Variants in ADGRV1 observed in about 807,000 individuals in gnomAD.
ADGRV1 encodes adhesion G protein-coupled receptor V1.
ADGRV1 carries 359 observed loss-of-function variants against 596.2 expected under a neutral mutation model. The observed-to-expected ratio is 0.60, with a 90% CI of 0.55 to 0.66. ADGRV1 has a LOEUF of 0.66. ADGRV1 is among the 30% of genes least tolerant of loss of function. The pLI is 0.00. For synonymous variants in ADGRV1, 2,681 were observed against 2,679.2 expected, an observed-to-expected ratio of 1.00 and a Z score of -0.02; for missense variants, 7,274 against 7,575.6, an observed-to-expected ratio of 0.96 and a Z score of 1.48.
chr5:91,110,796 C>A (rs1441830977), intron 87 of ADGRV1, among the ~76,000 whole-genome samples: 1 of 152,130 alleles, frequency 6.6e-6, no homozygotes, highest in Non-Finnish European at 1.5e-5. Context: ...GGCAAGTGAG[C>A]AGAGCTTTGC....
At chr5:91,062,953 C>CTTTTTTT (rs70973726) in intron 85 of ADGRV1, among the ~76,000 whole-genome samples, 1 of 80,844 alleles carries the variant, frequency 1.2e-5, no homozygotes, top group Non-Finnish European at 2.5e-5. Context: ...GTTTCTCAAA[C>CTTTTTTT]TTTTTTTTTT....
chr5:90,806,145 C>G (rs553361679), intron 72 of ADGRV1, among the ~76,000 whole-genome samples: 2 of 152,072 alleles, frequency 1.3e-5, no homozygotes, highest in Non-Finnish European at 2.9e-5. Context: ...CCCAAGATCT[C>G]GGCATCACTG....
At chr5:90,698,669 A>G (rs1210293173) in intron 34 of ADGRV1, among the ~76,000 whole-genome samples, 1 of 152,184 alleles carries the variant, frequency 6.6e-6, no homozygotes, top group South Asian at 2.1e-4. Context: ...TTGGTTAAAG[A>G]TGATAGCTGA....
intron 83 of ADGRV1, among the ~76,000 whole-genome samples, chr5:90,879,324 A>C (rs1321764783): frequency 6.6e-5 from 10 of 152,226 alleles, no homozygotes; most frequent in Admixed American, 6.5e-4. Flanking sequence ...CACATTTTGG[A>C]AACAAAAGAA....
chr5:90,796,581 T>A (rs1314442229), intron 70 of ADGRV1, among the ~76,000 whole-genome samples: 2 of 152,170 alleles, frequency 1.3e-5, no homozygotes, highest in African/African-American at 2.4e-5. Context: ...TTCCCCAACC[T>A]AGCAAGACTG....
At chr5:90,758,334 AAAAAAAC>A (rs1362645382) in intron 57 of ADGRV1, among the ~76,000 whole-genome samples, 1 of 152,188 alleles carries the variant, frequency 6.6e-6, no homozygotes, top group African/African-American at 2.4e-5. Context: ...CTCCATCTCA[AAAAAAAC>A]AAAAAACAAA....
intron 49 of ADGRV1, 76 bp downstream of exon 49, chr5:90,729,009 A>C (rs1752174542): frequency 2.9e-6 from 3 of 1,039,076 alleles, no homozygotes; most frequent in Admixed American, 2.8e-5. Flanking sequence ...ATTTTATATG[A>C]AAATGCTCTT....
chr5:90,717,591 G>A (rs566032820), intron 43 of ADGRV1: 1 of 152,194 alleles, frequency 6.6e-6, no homozygotes, highest in Non-Finnish European at 1.5e-5. Flanking sequence ...TGCCTTCCGG[G>A]TTCATGCCAT....
At chr5:90,627,161 C>T in intron 6 of ADGRV1, 50 bp from the exon 7 acceptor site, 3 of 973,210 alleles carry the variant, frequency 3.1e-6, no homozygotes, top group Non-Finnish European at 4.4e-6. Context: ...AGTTTATTTG[C>T]AGGTGTTTTG....
At chr5:90,641,419 G>C (rs1766954676) in intron 11 of ADGRV1, among the ~76,000 whole-genome samples, 1 of 152,070 alleles carries the variant, frequency 6.6e-6, no homozygotes, top group Non-Finnish European at 1.5e-5. Context: ...TTTGTTTAAT[G>C]TTCAGAATGG....
chr5:90,705,435 C>A lies in ADGRV1; in HGVS notation c.8422C>A (p.Gln2808Lys). The part of the protein sequence containing the change: ...PPAGIALLDA[Q>K]GYAAVLTVEA... ...AGCCGGAATCGCCCTGCTTGATGCT[C>A]AAGGATATGCAGCTGTCCTCACAGT... Residue 2808 changes from glutamine (Q) to lysine (K), a missense_variant, in exon 37 of 90, where the codon CAA becomes AAA. Gln to Lys is a moderately conservative substitution (Grantham distance 53). Around this residue, in one of 5 missense-constraint regions of ADGRV1, gnomAD observed 3,643 missense variants for 3,809.2 expected, o/e 0.96. Transcript: ENST00000405460. 1 of 1,613,868 alleles carries A rather than the reference C, an allele frequency of 6.2e-7. No homozygotes were observed. Among genetic ancestry groups the A allele is most frequent in the Non-Finnish European group, 8.5e-7 (1 of 1,179,798 alleles).
At chr5:90,789,925 C>A in intron 69 of ADGRV1, 74 bp downstream of exon 69, 1 of 1,071,510 alleles carries the variant, frequency 9.3e-7, no homozygotes, top group East Asian at 3.0e-5. Context: ...AGGGAAACTG[C>A]ATGTTCTAGT....
intron 86 of ADGRV1, among the ~76,000 whole-genome samples, chr5:91,083,881 T>G (rs1214432588): frequency 6.6e-6 from 1 of 152,206 alleles, no homozygotes; most frequent in Non-Finnish European, 1.5e-5. Flanking sequence ...TGTAGTGCAC[T>G]GTGAGTGTGC....
rs138813234 is a variant in ADGRV1, at chr5:90,693,137, G to GTTTTTTTTTTTCT, written c.7133+361_7133+362insTCTTTTTTTTTTT. Among the ~76,000 whole-genome samples the GTTTTTTTTTTTCT allele has an allele frequency of 3.3e-4, 44 of 131,794 alleles. 1 individual carries two copies. Among genetic ancestry groups the GTTTTTTTTTTTCT allele is most frequent in the African/African-American group, 9.0e-4 (31 of 34,448 alleles). 86.5% of individuals were successfully genotyped at this position (131,794 alleles called of 152,430 possible). On this transcript the variant is annotated intron_variant, in intron 32 of 89. Coordinates refer to ENST00000405460, the MANE Select transcript of ADGRV1 (RefSeq NM_032119.4). The stretch of plus-strand genomic sequence containing the variant: ...TATGAAGGAGCTGATTTCCAGGTCT[G>GTTTTTTTTTTTCT]TTTTTTTTTTCTTTTTTTGTGAGGC...
chr5:90,736,053 G>A (rs1040921769), intron 50 of ADGRV1, among the ~76,000 whole-genome samples: 3 of 152,072 alleles, frequency 2.0e-5, no homozygotes, highest in Admixed American at 2.0e-4. Flanking sequence ...GTCTTGGCCA[G>A]GATCTTGGAG....
At chr5:90,593,015 T>C (rs1280577003) in intron 1 of ADGRV1, among the ~76,000 whole-genome samples, 1 of 152,134 alleles carries the variant, frequency 6.6e-6, no homozygotes, top group East Asian at 1.9e-4. Context: ...GTAAATTAGC[T>C]CAACCATTGT....
intron 83 of ADGRV1, among the ~76,000 whole-genome samples, chr5:90,943,857 C>T (rs889839153): frequency 6.6e-6 from 1 of 152,150 alleles, no homozygotes; most frequent in Non-Finnish European, 1.5e-5. Flanking sequence ...GAACCCACCT[C>T]ACTTCTGCAA....
At chr5:90,638,084 A>G in intron 11 of ADGRV1, 136 bp downstream of exon 11, 1 of 596,950 alleles carries the variant, frequency 1.7e-6, no homozygotes, top group East Asian at 2.8e-5. Flanking sequence ...ACTGGCCTTC[A>G]GACTTTTCTG....
chr5:91,009,475 G>C (rs1782553165), intron 85 of ADGRV1, among the ~76,000 whole-genome samples: 2 of 152,040 alleles, frequency 1.3e-5, no homozygotes. Flanking sequence ...CCCATGAGAT[G>C]AAATTAGATA....
Sources: allele counts gnomAD v4.1 joint callset (sites outside exome capture counted in the v4.1 genomes callset), GRCh38; gene constraint gnomAD v4.1.1; regional missense constraint gnomAD v4.1.1; transcripts MANE v1.5; gene names NCBI Gene and HGNC (gene_info 2026-07-23, HGNC 2026-07-21).